DLGAP2: variants seen among roughly 807,000 people sequenced by gnomAD.
DLGAP2 encodes the protein DLG associated protein 2.
Under a neutral mutation model 100.3 loss-of-function variants are expected in DLGAP2, and 26 were observed. That is an observed-to-expected ratio of 0.26 (90% CI 0.19 to 0.36). DLGAP2 has a LOEUF of 0.36. DLGAP2 is among the 10% of genes least tolerant of loss of function. The pLI, the probability that DLGAP2 is intolerant of heterozygous loss-of-function variation, is 1.00. For synonymous variants in DLGAP2, 886 were observed against 630.1 expected (o/e 1.41, Z -6.08); for missense variants, 1,858 against 1,453.2 (o/e 1.28, Z -4.53).
intron 3 of DLGAP2, among the ~76,000 whole-genome samples, chr8:1,306,262 C>A (rs1326861854): frequency 6.6e-6 from 1 of 151,932 alleles, no homozygotes; most frequent in African/African-American, 2.4e-5. Flanking sequence ...ACAAAATTAA[C>A]ACACAAAAAT....
At chr8:1,424,088 G>T (rs761133151) in intron 3 of DLGAP2, among the ~76,000 whole-genome samples, 1 of 152,230 alleles carries the variant, frequency 6.6e-6, no homozygotes, top group Non-Finnish European at 1.5e-5. Flanking sequence ...GCACTCAGAG[G>T]ACACCAGCAT....
At chr8:1,023,370 G>A (rs145833463) in intron 2 of DLGAP2, among the ~76,000 whole-genome samples, 12 of 152,204 alleles carry the variant, frequency 7.9e-5, no homozygotes, top group African/African-American at 2.2e-4. Flanking sequence ...GGGGGTGTTC[G>A]TTGATGGATT....
chr8:1,232,440 A>G (rs529349997), intron 2 of DLGAP2, among the ~76,000 whole-genome samples: 1 of 152,246 alleles, frequency 6.6e-6, no homozygotes, highest in South Asian at 2.1e-4. Context: ...GGTAGTGACT[A>G]CCAGGGTCAG....
intron 3 of DLGAP2, among the ~76,000 whole-genome samples, chr8:1,342,596 A>G (rs1342403685): frequency 1.3e-5 from 2 of 152,212 alleles, no homozygotes; most frequent in Non-Finnish European, 2.9e-5. Context: ...CAAGTGCCAA[A>G]GGCTGGCTGT....
At chr8:1,241,410 C>G (rs1295429079) in intron 2 of DLGAP2, among the ~76,000 whole-genome samples, 1 of 152,214 alleles carries the variant, frequency 6.6e-6, no homozygotes, top group African/African-American at 2.4e-5. Flanking sequence ...GGCCCTGTGT[C>G]CAGTTCTCTC....
intron 3 of DLGAP2, among the ~76,000 whole-genome samples, chr8:1,466,061 A>G (rs1798618359): frequency 6.6e-6 from 1 of 152,186 alleles, no homozygotes; most frequent in Non-Finnish European, 1.5e-5. Context: ...CCATCGTGAC[A>G]GCGCCGTCTG....
At chr8:1,641,581 C>T (rs550915542) in intron 8 of DLGAP2, among the ~76,000 whole-genome samples, 7 of 152,248 alleles carry the variant, frequency 4.6e-5, no homozygotes, top group East Asian at 3.9e-4. Context: ...CAACGATCTG[C>T]GTCTGTCCTA....
chr8:1,071,951 G>A lies in DLGAP2; in HGVS notation c.73+163985G>A, dbSNP rs376386967. On this transcript the variant is annotated intron_variant, in intron 2 of 14. Coordinates refer to ENST00000637795, the MANE Select transcript of DLGAP2 (RefSeq NM_001346810.2). ...TGGTTAAGTGGGTGGTTTGGGTGCC[G>A]TGCTGGCTGTACGTGGTTTCTCGTC... 1.2e-4 allele frequency among the ~76,000 whole-genome samples: 19 copies of A among 152,314 alleles called. 1 individual carries two copies. Among genetic ancestry groups the A allele is most frequent in the Admixed American group, 3.3e-4 (5 of 15,308 alleles).
In DLGAP2 at chr8:942,561, C is replaced by T. The variant is rs113657784; in HGVS notation, c.73+34595C>T. Among the ~76,000 whole-genome samples, 456 of 152,336 alleles carry T rather than the reference C, an allele frequency of 3.0e-3. 2 individuals are homozygous for T. Among genetic ancestry groups the T allele is most frequent in the African/African-American group, 0.01 (416 of 41,584 alleles). On this transcript the variant is annotated intron_variant, in intron 2 of 14. Coordinates refer to ENST00000637795, the MANE Select transcript of DLGAP2 (RefSeq NM_001346810.2). ...CTCCATAGATGACTTTTACCTTTCA[C>T]GGCATTTGGCAGCTCAGCTGCATTT...
intron 1 of DLGAP2, among the ~76,000 whole-genome samples, chr8:853,404 C>G (rs548761333): frequency 6.6e-6 from 1 of 152,238 alleles, no homozygotes; most frequent in Non-Finnish European, 1.5e-5. Flanking sequence ...GTGCTGGGGT[C>G]TGCTCAGATA....
At chr8:1,328,222 A>G (rs1380492883) in intron 3 of DLGAP2, among the ~76,000 whole-genome samples, 1 of 150,926 alleles carries the variant, frequency 6.6e-6, no homozygotes, top group Non-Finnish European at 1.5e-5. Context: ...TTATTTTTTT[A>G]GTTGAGACAG....
intron 8 of DLGAP2, among the ~76,000 whole-genome samples, chr8:1,663,811 A>G (rs1245461478): frequency 1.3e-5 from 2 of 152,182 alleles, no homozygotes; most frequent in African/African-American, 4.8e-5. Flanking sequence ...ATCACAGCGC[A>G]TGTTTTGATT....
At chr8:1,543,170 A>G (rs141864059) in intron 4 of DLGAP2, among the ~76,000 whole-genome samples, 1 of 152,256 alleles carries the variant, frequency 6.6e-6, no homozygotes, top group East Asian at 1.9e-4. Flanking sequence ...CATTTTTTTG[A>G]TGGCATCTTT....
chr8:989,312 G>T (rs1254698032), intron 2 of DLGAP2, among the ~76,000 whole-genome samples: 4 of 152,060 alleles, frequency 2.6e-5, no homozygotes, highest in African/African-American at 9.7e-5. Context: ...ATCAGTGGAC[G>T]GCTGCTCTCC....
At chr8:1,601,633 C>T (rs1796627441) in intron 6 of DLGAP2, among the ~76,000 whole-genome samples, 1 of 152,104 alleles carries the variant, frequency 6.6e-6, no homozygotes, top group African/African-American at 2.4e-5. Flanking sequence ...AACTCCGTGA[C>T]AGATGTTTGT....
intron 1 of DLGAP2, among the ~76,000 whole-genome samples, chr8:889,647 G>C (rs1377597895): frequency 6.6e-6 from 1 of 152,224 alleles, no homozygotes; most frequent in Admixed American, 6.5e-5. Flanking sequence ...CTCCAGTAGG[G>C]GAAGAGCGCA....
At chr8:1,544,462 A>G (rs1801463925) in intron 4 of DLGAP2, among the ~76,000 whole-genome samples, 1 of 152,110 alleles carries the variant, frequency 6.6e-6, no homozygotes, top group Non-Finnish European at 1.5e-5. Flanking sequence ...GGTTTCCCAT[A>G]AATGCCCATT....
intron 2 of DLGAP2, among the ~76,000 whole-genome samples, chr8:1,143,785 T>C (rs919927500): frequency 2.6e-5 from 4 of 152,244 alleles, no homozygotes; most frequent in Non-Finnish European, 5.9e-5. Context: ...CACCTCTGTG[T>C]GCAGGCATTG....
intron 3 of DLGAP2, among the ~76,000 whole-genome samples, chr8:1,305,891 C>G (rs1192158525): frequency 6.6e-6 from 1 of 152,094 alleles, no homozygotes; most frequent in African/African-American, 2.4e-5. Flanking sequence ...TACTTATGTG[C>G]TTTTATAAAT....
Sources: allele counts gnomAD v4.1 joint callset (sites outside exome capture counted in the v4.1 genomes callset), GRCh38; gene constraint gnomAD v4.1.1; transcripts MANE v1.5; gene names NCBI Gene and HGNC (gene_info 2026-07-23, HGNC 2026-07-21).